The following EML6 variants were observed in gnomAD, a reference collection of about 807,000 sequenced individuals.
EML6 encodes the protein EMAP like 6.
EML6 carries 154 observed loss-of-function variants against 240.1 expected under a neutral mutation model. That is an observed-to-expected ratio of 0.64 (90% CI 0.56 to 0.73). EML6 has a LOEUF of 0.73. Among genes scored for constraint, EML6 ranks in the 30% least tolerant of loss-of-function variants. The pLI, the probability that EML6 is intolerant of heterozygous loss-of-function variation, is 0.00. For synonymous variants in EML6, 1,148 were observed against 899.0 expected, an observed-to-expected ratio of 1.28 and a Z score of -4.95; for missense variants, 2,964 against 2,474.6, an observed-to-expected ratio of 1.20 and a Z score of -4.20.
chr2:54,812,857 A>G (rs1180486532), intron 2 of EML6, among the ~76,000 whole-genome samples: 1 of 151,876 alleles, frequency 6.6e-6, no homozygotes. Flanking sequence ...AACAACATTT[A>G]AAAAAAAATT....
intron 26 of EML6, among the ~76,000 whole-genome samples, chr2:54,919,129 T>A (rs1017092793): frequency 2.0e-5 from 3 of 152,198 alleles, no homozygotes; most frequent in African/African-American, 7.2e-5. Flanking sequence ...AGTTCTGTTT[T>A]CTCCTTTGCG....
chr2:54,801,762 A>G (rs1670162546), intron 2 of EML6, among the ~76,000 whole-genome samples: 1 of 152,204 alleles, frequency 6.6e-6, no homozygotes, highest in Non-Finnish European at 1.5e-5. Context: ...AACATCACAA[A>G]CGTGGTTATT....
intron 5 of EML6, among the ~76,000 whole-genome samples, chr2:54,824,795 A>G (rs1036030524): frequency 2.0e-5 from 3 of 152,176 alleles, no homozygotes; most frequent in Non-Finnish European, 4.4e-5. Context: ...GATGAACTCA[A>G]GGTACCTGCC....
chr2:54,921,194 C>G (rs1055918108), intron 26 of EML6, among the ~76,000 whole-genome samples: 47 of 151,974 alleles, frequency 3.1e-4, no homozygotes, highest in African/African-American at 9.7e-4. Flanking sequence ...ACAACATGAT[C>G]TTATATATAG....
intron 16 of EML6, among the ~76,000 whole-genome samples, chr2:54,875,271 G>A (rs1671448195): frequency 6.6e-6 from 1 of 152,198 alleles, no homozygotes; most frequent in South Asian, 2.1e-4. Context: ...GGCAACTAAT[G>A]CTACCATCCT....
In EML6 at chr2:54,853,744, A is replaced by C; in HGVS notation, c.1546A>C (p.Thr516Pro). 9 of 1,551,686 alleles carry C rather than the reference A, an allele frequency of 5.8e-6. No homozygotes were observed. The highest frequency in any genetic ancestry group is 7.8e-6 in the Non-Finnish European group (9 of 1,146,948). The change falls in exon 11 of 42, where the codon ACT (threonine) becomes CCT (proline). Residue 516 changes from threonine (T) to proline (P), a missense_variant. By Grantham distance (38) the Thr-to-Pro change is conservative. Coordinates refer to ENST00000356458, the MANE Select transcript of EML6 (RefSeq NM_001039753.4). ...AGTGAGTGGAATTTGGCCCAAATAC[A>C]CTGAGGTTACTGACATCAACTCAGT... is the stretch of plus-strand genomic sequence containing the variant. Reference protein sequence around the residue: ...PEVSGIWPKYTEVTDINSVDA... With the variant: ...PEVSGIWPKYPEVTDINSVDA...
At chr2:54,787,062 G>C (rs886722037) in intron 2 of EML6, among the ~76,000 whole-genome samples, 1 of 152,124 alleles carries the variant, frequency 6.6e-6, no homozygotes, top group African/African-American at 2.4e-5. Context: ...GAGTGCCTCA[G>C]GTGTGCCCAC....
intron 28 of EML6, among the ~76,000 whole-genome samples, chr2:54,930,068 C>G (rs1313626201): frequency 1.3e-5 from 2 of 152,032 alleles, no homozygotes; most frequent in Non-Finnish European, 2.9e-5. Flanking sequence ...AATGTTTCAC[C>G]TGAAGTATTC....
At chr2:54,758,512 A>G (rs893576486) in intron 2 of EML6, among the ~76,000 whole-genome samples, 4 of 152,162 alleles carry the variant, frequency 2.6e-5, no homozygotes, top group African/African-American at 9.7e-5. Flanking sequence ...ATCTCTGTTT[A>G]GAAGTGATTT....
chr2:54,964,088 A>G lies in EML6; in HGVS notation c.5260A>G (p.Ile1754Val). ...TGGCATGAAGAATGGAGAGTTTGTC[A>G]TCTTGTTGGTGAACAGCCTGAAAGT... Reference protein sequence around the residue: ...AIGMKNGEFVILLVNSLKVWG... With the variant: ...AIGMKNGEFVVLLVNSLKVWG... The change falls in exon 37 of 42, where the codon ATC becomes GTC. Residue 1754 changes from isoleucine (I) to valine (V), a missense_variant. Transcript: ENST00000356458. 1 of 1,551,778 alleles carries G rather than the reference A, an allele frequency of 6.4e-7. No homozygotes were observed. The highest frequency in any genetic ancestry group is 8.7e-7 in the Non-Finnish European group (1 of 1,147,010).
At chr2:54,965,616 T>C (rs1487143984) in intron 38 of EML6, among the ~76,000 whole-genome samples, 1 of 152,088 alleles carries the variant, frequency 6.6e-6, no homozygotes, top group African/African-American at 2.4e-5. Flanking sequence ...GGAGTGCTAA[T>C]TGGTCAGAGA....
chr2:54,754,514 A>G (rs978945891), intron 2 of EML6, among the ~76,000 whole-genome samples: 1 of 152,178 alleles, frequency 6.6e-6, no homozygotes, highest in African/African-American at 2.4e-5. Context: ...CTTTTTGACC[A>G]TTTGAAATAA....
At chr2:54,847,686 TG>T in intron 9 of EML6, 63 bp downstream of exon 9, 1 of 1,524,976 alleles carries the variant, frequency 6.6e-7, no homozygotes, top group Non-Finnish European at 8.9e-7. Context: ...ACAATTTTCC[TG>T]GTCATAATAC....
chr2:54,753,747 C>T (rs1388536088), intron 2 of EML6, among the ~76,000 whole-genome samples: 1 of 150,916 alleles, frequency 6.6e-6, no homozygotes, highest in African/African-American at 2.4e-5. Context: ...CTCACTGCAG[C>T]CTCGAACTCC....
chr2:54,947,707 G>C (rs952735879), intron 28 of EML6, among the ~76,000 whole-genome samples: 2 of 152,324 alleles, frequency 1.3e-5, no homozygotes, highest in East Asian at 1.9e-4. Context: ...GGGCGCATTC[G>C]TAAAGTCACG....
chr2:54,740,847 T>A (rs1683598914), intron 2 of EML6, among the ~76,000 whole-genome samples: 1 of 152,242 alleles, frequency 6.6e-6, no homozygotes. Context: ...ATGTGAGGGG[T>A]TGGCCTACTG....
rs1347765281 is a variant in EML6, at chr2:54,812,591, G to T, written c.198-641G>T. ...TACTGACTCCTTAAAATACCAGTTG[G>T]TATTTGACGAAGTTTCATTTTTATC... On this transcript the variant is annotated intron_variant, in intron 2 of 41. Coordinates refer to ENST00000356458, the MANE Select transcript of EML6 (RefSeq NM_001039753.4). Among the ~76,000 whole-genome samples the T allele has an allele frequency of 1.3e-5, 2 of 151,880 alleles. 1 individual carries two copies. Among genetic ancestry groups the T allele is most frequent in the Admixed American group, 1.3e-4 (2 of 15,234 alleles).
intron 2 of EML6, among the ~76,000 whole-genome samples, chr2:54,746,711 A>G (rs547910162): frequency 6.6e-6 from 1 of 152,286 alleles, no homozygotes; most frequent in East Asian, 1.9e-4. Context: ...TGATCTGTTT[A>G]TAGGTATTTA....
chr2:54,836,782 G>A (rs1319330115), intron 7 of EML6, among the ~76,000 whole-genome samples: 1 of 152,148 alleles, frequency 6.6e-6, no homozygotes, highest in African/African-American at 2.4e-5. Context: ...TTTTAGCAAG[G>A]GGCCCCACAC....
Sources: allele counts gnomAD v4.1 joint callset (sites outside exome capture counted in the v4.1 genomes callset), GRCh38; gene constraint gnomAD v4.1.1; transcripts MANE v1.5; gene names NCBI Gene and HGNC (gene_info 2026-07-23, HGNC 2026-07-21).